Variants in SLC7A1 observed in about 807,000 individuals in gnomAD.
SLC7A1 encodes high affinity cationic amino acid transporter 1.
Under a neutral mutation model 53.9 loss-of-function variants are expected in SLC7A1, and 10 were observed. The ratio of observed to expected loss-of-function variants is 0.19; its 90% CI spans 0.11 to 0.31. The LOEUF (loss-of-function observed/expected upper bound fraction) is 0.31. Ranked by LOEUF, SLC7A1 falls within the 10% of genes least tolerant of loss-of-function variation. SLC7A1 has a pLI of 1.00. For synonymous variants in SLC7A1, 342 were observed against 338.7 expected (o/e 1.01, Z -0.11); for missense variants, 525 against 827.2 (o/e 0.63, Z 4.48).
chr13:29,527,512 C>G (rs1304625920), intron 5 of SLC7A1, among the ~76,000 whole-genome samples: 2 of 152,216 alleles, frequency 1.3e-5, no homozygotes, highest in Admixed American at 6.5e-5. Flanking sequence ...TAACCTTTTA[C>G]ATGCGTGTGG....
Position 29,513,730 on chromosome 13 carries a change from G to C in SLC7A1, c.*750C>G, listed in dbSNP as rs1170043791. The stretch of plus-strand genomic sequence containing the variant: ...GGCCCAGGCCTGGAGGCCGTGAGCT[G>C]AAGGTCCCTGGTTTACATGCATGTG... On this transcript the variant is annotated 3_prime_UTR_variant, in exon 13 of 13. Transcript: ENST00000380752. The C allele has an allele frequency of 6.5e-6, 1 of 152,694 alleles. No homozygotes were observed. The highest frequency in any genetic ancestry group is 1.5e-5 in the Non-Finnish European group (1 of 68,162). 9.5% of individuals were successfully genotyped at this position (152,694 alleles called of 1,614,324 possible).
chr13:29,521,546 G>A (rs1000102949), intron 8 of SLC7A1, among the ~76,000 whole-genome samples: 2 of 152,306 alleles, frequency 1.3e-5, no homozygotes, highest in East Asian at 3.9e-4. Context: ...GTGGGCTGAC[G>A]TCTGCCTTTT....
At chr13:29,525,497 C>T (rs533612724) in intron 5 of SLC7A1, among the ~76,000 whole-genome samples, 1 of 152,310 alleles carries the variant, frequency 6.6e-6, no homozygotes, top group East Asian at 1.9e-4. Context: ...GGCTGGGCAG[C>T]CCATTTGGTG....
intron 2 of SLC7A1, among the ~76,000 whole-genome samples, chr13:29,545,155 G>T (rs1275617053): frequency 6.6e-6 from 1 of 152,094 alleles, no homozygotes; most frequent in Admixed American, 6.5e-5. Context: ...ATACTGAATG[G>T]TTTCATTCAC....
At chr13:29,541,094 G>A (rs1314037402) in intron 2 of SLC7A1, among the ~76,000 whole-genome samples, 2 of 152,144 alleles carry the variant, frequency 1.3e-5, no homozygotes, top group Non-Finnish European at 2.9e-5. Flanking sequence ...GATGAGAGAG[G>A]ACGTGGAGTC....
intron 1 of SLC7A1, among the ~76,000 whole-genome samples, chr13:29,580,798 G>A (rs556544165): frequency 1.7e-4 from 26 of 152,160 alleles, no homozygotes; most frequent in South Asian, 4.2e-4. Context: ...CCTGCAAGAG[G>A]TACCATACAA....
At chr13:29,552,265 A>G (rs544451491) in intron 2 of SLC7A1, among the ~76,000 whole-genome samples, 1 of 152,222 alleles carries the variant, frequency 6.6e-6, no homozygotes, top group South Asian at 2.1e-4. Context: ...AGACACACAC[A>G]CACACTTTCC....
intron 1 of SLC7A1, among the ~76,000 whole-genome samples, chr13:29,594,034 T>C (rs1399098291): frequency 6.6e-6 from 1 of 152,252 alleles, no homozygotes; most frequent in Admixed American, 6.5e-5. Flanking sequence ...ACCTTTTGTT[T>C]TAATAACAGG....
chr13:29,530,648 G>T lies in SLC7A1; in HGVS notation c.594C>A (p.Val198=). Residue 198 remains valine, a synonymous_variant, in exon 5 of 13, where the codon GTC becomes GTA. Transcript: ENST00000380752. ...ACACCATTATGAAGCCCAGGACCAG[G>T]ACGTTAATACAAGTGAATATTTTGT... The part of the protein sequence containing the change: ...MVNKIFTCIN[V]LVLGFIMVSG... The T allele has an allele frequency of 6.2e-7, 1 of 1,614,040 alleles. No homozygotes were observed.
At chr13:29,539,947 G>T (rs184257813) in intron 2 of SLC7A1, among the ~76,000 whole-genome samples, 1 of 152,312 alleles carries the variant, frequency 6.6e-6, no homozygotes, top group African/African-American at 2.4e-5. Context: ...CACTTACTCT[G>T]TCCTGGGTTT....
intron 5 of SLC7A1, among the ~76,000 whole-genome samples, chr13:29,525,514 G>A (rs910514962): frequency 6.6e-6 from 1 of 152,214 alleles, no homozygotes; most frequent in Non-Finnish European, 1.5e-5. Context: ...GGTGAACTTT[G>A]CTTTCAATGG....
intron 1 of SLC7A1, among the ~76,000 whole-genome samples, chr13:29,589,271 C>G (rs773253677): frequency 2.6e-5 from 4 of 152,260 alleles, no homozygotes; most frequent in Non-Finnish European, 5.9e-5. Flanking sequence ...CTTTCCCCTA[C>G]GAACAGTCTC....
At chr13:29,519,629 T>C (rs1475504571) in intron 8 of SLC7A1, 80 bp from the exon 9 acceptor site, 2 of 852,494 alleles carry the variant, frequency 2.3e-6, no homozygotes, top group Non-Finnish European at 3.8e-6. Flanking sequence ...CCGCCCACCA[T>C]CCAGGGCAGC....
chr13:29,595,095 C>T (rs368867170), intron 1 of SLC7A1, among the ~76,000 whole-genome samples: 1 of 151,874 alleles, frequency 6.6e-6, no homozygotes, highest in East Asian at 2.0e-4. Flanking sequence ...CGCGGGTCCC[C>T]GGACAGGCGC....
chr13:29,578,682 G>A (rs963794559), intron 1 of SLC7A1, among the ~76,000 whole-genome samples: 2 of 152,202 alleles, frequency 1.3e-5, no homozygotes, highest in Non-Finnish European at 2.9e-5. Context: ...CGGGCACCCC[G>A]GGTAGCTCTT....
chr13:29,524,920 G>A (rs1235051142), intron 5 of SLC7A1, among the ~76,000 whole-genome samples: 4 of 152,210 alleles, frequency 2.6e-5, no homozygotes. Context: ...GAAGCAGGCT[G>A]CTTAAACATT....
At chr13:29,550,867 T>C (rs1870147716) in intron 2 of SLC7A1, among the ~76,000 whole-genome samples, 1 of 152,240 alleles carries the variant, frequency 6.6e-6, no homozygotes, top group African/African-American at 2.4e-5. Context: ...CCAAACACTC[T>C]TGTGTGATAA....
At chr13:29,514,799 G>A (rs752746999) in intron 12 of SLC7A1, among the ~76,000 whole-genome samples, 3 of 152,236 alleles carry the variant, frequency 2.0e-5, no homozygotes, top group African/African-American at 4.8e-5. Context: ...AAAGCCCTAC[G>A]TTCCTCTGGA....
intron 11 of SLC7A1, among the ~76,000 whole-genome samples, chr13:29,516,591 T>G (rs1045477298): frequency 2.0e-5 from 3 of 152,262 alleles, no homozygotes; most frequent in African/African-American, 7.2e-5. Context: ...ACAACCTTTT[T>G]TATTATTTGT....
Sources: gnomAD v4.1 joint callset for allele counts (sites outside exome capture counted in the v4.1 genomes callset) on GRCh38, gnomAD v4.1.1 for gene constraint, MANE v1.5 for transcripts, NCBI Gene and HGNC (gene_info 2026-07-23, HGNC 2026-07-21) for gene names.